Variants in EBF4 observed in about 807,000 individuals in gnomAD.
EBF4 encodes the protein transcription factor COE4.
Under a neutral mutation model 67.1 loss-of-function variants are expected in EBF4, and 34 were observed. The observed-to-expected ratio is 0.51, with a 90% CI of 0.39 to 0.67. The LOEUF is 0.67. EBF4 is among the 30% of genes least tolerant of loss of function. EBF4 has a pLI of 0.00. For synonymous variants in EBF4, 387 were observed against 377.7 expected (o/e 1.02, Z -0.29); for missense variants, 837 against 873.3 (o/e 0.96, Z 0.52).
chr20:2,742,918 G>C (rs1269246838), intron 6 of EBF4, among the ~76,000 whole-genome samples: 1 of 152,166 alleles, frequency 6.6e-6, no homozygotes, highest in African/African-American at 2.4e-5. Context: ...CCCAGGCCCA[G>C]AACCTTGTCC....
chr20:2,730,525 T>TG (rs11332271), intron 6 of EBF4, among the ~76,000 whole-genome samples: 2 of 152,254 alleles, frequency 1.3e-5, no homozygotes, highest in Non-Finnish European at 2.9e-5. Flanking sequence ...ACATAACTTT[T>TG]GGGGGGGCCA....
chr20:2,697,365 G>T (rs1183977364), intron 1 of EBF4, among the ~76,000 whole-genome samples: 1 of 152,014 alleles, frequency 6.6e-6, no homozygotes, highest in Non-Finnish European at 1.5e-5. Flanking sequence ...CTAACACGGT[G>T]AAACCCCGTC....
exon 13 of EBF4, chr20:2,752,168 C>A: frequency 6.9e-7 from 1 of 1,443,610 alleles, no homozygotes; most frequent in African/African-American, 1.5e-5. Flanking sequence ...GCACCCCTGG[C>A]CCCGAGCCAC....
rs1390974388 is a variant in EBF4 at position 2,749,832 on chromosome 20, C to G, written c.892-15C>G. ...GCCGGTGCGGGACCTGCAGGCCTCC[C>G]CTCTCCCCTCGCAGCTCATCACGCC... On this transcript the variant is annotated splice_polypyrimidine_tract_variant and intron_variant, in intron 9 of 16. Transcript: ENST00000609451. 8 of 1,546,802 alleles carry G rather than the reference C, an allele frequency of 5.2e-6. No individual in the cohort carries two copies. The highest frequency in any genetic ancestry group is 1.2e-5 in the South Asian group (1 of 83,232).
Position 2,732,839 on chromosome 20 carries a change from G to GT in EBF4, c.558-15710_558-15709insT. On this transcript the variant is annotated intron_variant, in intron 6 of 16. Coordinates refer to ENST00000609451, the Ensembl canonical transcript of EBF4. ...CTTTTTCTTATTTTTTTTTGAGACGGAATTATAAAGAGTTCCCATATATCC... is the reference window on the plus strand; with the variant it reads ...CTTTTTCTTATTTTTTTTTGAGACGGTAATTATAAAGAGTTCCCATATATCC... Among the ~76,000 whole-genome samples, 2 of 149,972 alleles carry GT rather than the reference G, an allele frequency of 1.3e-5. 1 individual carries two copies. Among genetic ancestry groups the GT allele is most frequent in the South Asian group, 4.2e-4 (2 of 4,818 alleles).
chr20:2,741,076 T>C (rs1178240561), intron 6 of EBF4, among the ~76,000 whole-genome samples: 1 of 152,132 alleles, frequency 6.6e-6, no homozygotes, highest in Non-Finnish European at 1.5e-5. Flanking sequence ...TTTGGGAGGC[T>C]GAATCAGAAG....
At chr20:2,714,609 C>T (rs1600213930) in intron 6 of EBF4, among the ~76,000 whole-genome samples, 1 of 152,226 alleles carries the variant, frequency 6.6e-6, no homozygotes, top group East Asian at 1.9e-4. Context: ...GCCTTGGCCT[C>T]CCAAAGTGCT....
rs1382492516 is a variant in EBF4, at chr20:2,739,639, CCT to C, written c.558-8907_558-8906del. The stretch of plus-strand genomic sequence containing the variant: ...TGAATGAGGGGATGAATGGCCCAGC[CCT>C]CTGTGTCCTCCTCTGTCCCTGAGCT... On this transcript the variant is annotated intron_variant, in intron 6 of 16. Transcript: ENST00000609451. The surrounding 1 kb of genome is among the most constrained non-coding windows in gnomAD (Gnocchi z 4.5). 6.6e-6 allele frequency among the ~76,000 whole-genome samples: 1 copy of C among 152,164 alleles called. No individual in the cohort carries two copies. The highest frequency in any genetic ancestry group is 2.4e-5 in the African/African-American group (1 of 41,442).
In EBF4 at chr20:2,707,254, G is replaced by A. The variant is rs1488586591; in HGVS notation, c.415-693G>A. 1.3e-5 allele frequency among the ~76,000 whole-genome samples: 2 copies of A among 152,110 alleles called. No homozygotes were observed. The highest frequency in any genetic ancestry group is 4.8e-5 in the African/African-American group (2 of 41,386). On this transcript the variant is annotated intron_variant, in intron 4 of 16. Transcript: ENST00000609451. This position sits in a 1 kb window ranked among gnomAD's most constrained non-coding sequence, Gnocchi z 4.6. ...GGGACGGGTGTGGAAGGGGTTCGAG[G>A]AAGTCCACAGAGAGAGGGATCCCAC...
intron 1 of EBF4, among the ~76,000 whole-genome samples, chr20:2,703,261 A>T (rs1335436913): frequency 2.8e-4 from 22 of 78,970 alleles, no homozygotes; most frequent in African/African-American, 1.1e-3. Context: ...TGTCTTAAAA[A>T]AAAAAAAAAA....
chr20:2,714,222 T>C (rs73892653), intron 6 of EBF4, among the ~76,000 whole-genome samples: 13,648 of 152,254 alleles, frequency 0.09, 1,638 homozygotes, highest in African/African-American at 0.27. Flanking sequence ...AAAGGCTATT[T>C]GTGTTTCCTT....
At position 2,725,171 on chromosome 20, in the gene EBF4, T is replaced by C. The variant is rs563505601; in HGVS notation, c.557+15529T>C. Among the ~76,000 whole-genome samples, 3 of 152,328 alleles carry C rather than the reference T, an allele frequency of 2.0e-5. No individual in the cohort carries two copies. In the South Asian group the frequency reaches 6.2e-4, roughly 32 times the overall value. On this transcript the variant is annotated intron_variant, in intron 6 of 16. Transcript: ENST00000609451. ...CATTTGCTTTCTCTCTTTTCTCTTCTGGCACTCCAAAGAACACTCCAATTT... is the reference window on the plus strand; with the variant it reads ...CATTTGCTTTCTCTCTTTTCTCTTCCGGCACTCCAAAGAACACTCCAATTT...
rs1219411546 is a variant in EBF4, at chr20:2,755,931, C to G, written c.1738+107C>G. ...ACATCTCACCAGTGCCTCATGCTGG[C>G]TAACCTGCTCTTCTTGGAGGACGGA... On this transcript the variant is annotated intron_variant, in intron 15 of 16. Transcript: ENST00000609451. This position sits in a 1 kb window ranked among gnomAD's most constrained non-coding sequence, Gnocchi z 4.7. 20 of 1,117,544 alleles carry G rather than the reference C, an allele frequency of 1.8e-5. No homozygotes were observed. The highest frequency in any genetic ancestry group is 2.0e-5 in the Non-Finnish European group (16 of 803,050). The allele number at this position is 1,117,544 out of a possible 1,614,324, so 69.2% of individuals were successfully genotyped here.
Position 2,755,639 on chromosome 20 carries a change from G to C in EBF4, c.1553G>C (p.Ser518Thr). The stretch of plus-strand genomic sequence containing the variant: ...CCCCGCCCCGGAGTCATGCCCTCTA[G>C]CCCCCCGCTGGCGGCTGCCTCCTCC... Residue 518 changes from serine (S) to threonine (T), a missense_variant, in exon 15 of 17, where the codon AGC becomes ACC. Physicochemically the swap from Ser to Thr is moderately conservative, Grantham distance 58. Around this residue, in one of 3 missense-constraint regions of EBF4, gnomAD observed 525 missense variants for 496.5 expected, o/e 1.06. Coordinates refer to ENST00000609451, the Ensembl canonical transcript of EBF4. The surrounding 1 kb of genome is among the most constrained non-coding windows in gnomAD (Gnocchi z 4.7). 1 of 1,181,294 alleles carries C rather than the reference G, an allele frequency of 8.5e-7. No homozygotes were observed. Among genetic ancestry groups the C allele is most frequent in the Non-Finnish European group, 1.1e-6 (1 of 884,476 alleles). 73.2% of individuals were successfully genotyped at this position (1,181,294 alleles called of 1,614,324 possible).
chr20:2,752,302 C>CCACCGCCCCTCCCCGGCCGG lies in EBF4; in HGVS notation c.1352-45_1352-26dup, dbSNP rs1282510374. 1.7e-5 allele frequency: 20 copies of CCACCGCCCCTCCCCGGCCGG among 1,206,372 alleles called. No homozygotes were observed. The African/African-American group carries it at 3.0e-4, about 18-fold the overall frequency. The allele number at this position is 1,206,372 out of a possible 1,614,324, so 74.7% of individuals were successfully genotyped here. A position where few individuals can be genotyped will look rare whatever the true frequency, so the allele number is the denominator to read the frequency against. ...GCCTCCCCGCCGTCCTCGGGCGCCG[C>CCACCGCCCCTCCCCGGCCGG]CACCGCCCCTCCCCGGCCGGCACCG... On this transcript the variant is annotated intron_variant, in intron 13 of 16. Coordinates refer to ENST00000609451, the Ensembl canonical transcript of EBF4.
intron 6 of EBF4, among the ~76,000 whole-genome samples, chr20:2,719,625 G>A (rs746255477): frequency 3.9e-5 from 6 of 151,960 alleles, no homozygotes; most frequent in Non-Finnish European, 7.4e-5. Flanking sequence ...TGCTGGTCTC[G>A]AACTACAGGG....
In EBF4 at chr20:2,751,837, A is replaced by AG. The variant is rs891235614; in HGVS notation, c.1107+54dup. 51 of 1,543,548 alleles carry AG rather than the reference A, an allele frequency of 3.3e-5. No homozygotes were observed. The African/African-American group carries it at 6.6e-4, about 20-fold the overall frequency. On this transcript the variant is annotated intron_variant, in intron 11 of 16. Coordinates refer to ENST00000609451, the Ensembl canonical transcript of EBF4. This position sits in a 1 kb window ranked among gnomAD's most constrained non-coding sequence, Gnocchi z 5.2. ...CGGGGCTGAGGGTGTCCTGTGGGCA[A>AG]GGGGGTGAGGAGGGGCTCCCGAGGG...
intron 6 of EBF4, among the ~76,000 whole-genome samples, chr20:2,733,790 C>A (rs1422154145): frequency 7.0e-6 from 1 of 142,980 alleles, no homozygotes; most frequent in East Asian, 2.0e-4. Flanking sequence ...ACATAAAATA[C>A]ATTAATACTA....
chr20:2,715,742 CTTAT>C (rs1184145469), intron 6 of EBF4, among the ~76,000 whole-genome samples: 2 of 151,972 alleles, frequency 1.3e-5, no homozygotes, highest in Non-Finnish European at 2.9e-5. Context: ...AATTTGTTGG[CTTAT>C]TTATTTATTT....
Sources: allele counts gnomAD v4.1 joint callset (sites outside exome capture counted in the v4.1 genomes callset), GRCh38; gene constraint gnomAD v4.1.1; regional missense constraint gnomAD v4.1.1; non-coding constraint Gnocchi (gnomAD v3.1); transcripts MANE v1.5; gene names NCBI Gene and HGNC (gene_info 2026-07-23, HGNC 2026-07-21).